Variants in TRAPPC9 observed in about 807,000 individuals in gnomAD.
TRAPPC9 encodes trafficking protein particle complex subunit 9, also known as IKK2 binding protein.
In TRAPPC9, 83 loss-of-function variants were observed where a neutral mutation model predicts 124.0. That is an observed-to-expected ratio of 0.67 (90% CI 0.56 to 0.80). The LOEUF (loss-of-function observed/expected upper bound fraction) is 0.80, where lower values mean the gene tolerates loss of function less well. TRAPPC9 is among the 30% of genes least tolerant of loss of function. The pLI is 0.00. For synonymous variants in TRAPPC9, 638 were observed against 617.5 expected, an observed-to-expected ratio of 1.03 and a Z score of -0.49; for missense variants, 1,302 against 1,508.3, an observed-to-expected ratio of 0.86 and a Z score of 2.27.
intron 17 of TRAPPC9, among the ~76,000 whole-genome samples, chr8:140,213,585 AT>A (rs11402721): frequency 1.4e-4 from 21 of 149,730 alleles, no homozygotes; most frequent in African/African-American, 2.5e-4. Context: ...TTTAATCTAC[AT>A]TTTTTTTTTC....
At chr8:139,916,578 T>G (rs545372212) in intron 19 of TRAPPC9, 2 of 152,398 alleles carry the variant, frequency 1.3e-5, no homozygotes, top group Non-Finnish European at 2.9e-5. Flanking sequence ...TTGCTTCTGT[T>G]CATCTCTGAC....
At chr8:140,431,463 T>C (rs1372329841) in intron 4 of TRAPPC9, among the ~76,000 whole-genome samples, 1 of 151,692 alleles carries the variant, frequency 6.6e-6, no homozygotes, top group Non-Finnish European at 1.5e-5. Context: ...AAAATAAAAA[T>C]AAAAACTACT....
intron 21 of TRAPPC9, among the ~76,000 whole-genome samples, chr8:139,810,756 G>C (rs188015593): frequency 1.3e-3 from 202 of 152,282 alleles, no homozygotes; most frequent in African/African-American, 4.8e-3. Flanking sequence ...GTGGCTCCCT[G>C]AATGCTGGCA....
At chr8:140,361,480 CAAGTTA>C (rs1246127562) in intron 8 of TRAPPC9, among the ~76,000 whole-genome samples, 2 of 152,198 alleles carry the variant, frequency 1.3e-5, no homozygotes, top group Non-Finnish European at 2.9e-5. Flanking sequence ...AGTCGGAGTA[CAAGTTA>C]AAGTTATAAG....
chr8:140,204,322 A>T (rs2062868422), intron 17 of TRAPPC9, among the ~76,000 whole-genome samples: 1 of 152,154 alleles, frequency 6.6e-6, no homozygotes, highest in Non-Finnish European at 1.5e-5. Flanking sequence ...TGTCCTTTGT[A>T]GGGACACGGA....
chr8:140,196,763 T>A (rs1045135388), intron 17 of TRAPPC9, among the ~76,000 whole-genome samples: 28 of 140,930 alleles, frequency 2.0e-4, no homozygotes, highest in African/African-American at 6.5e-4. Flanking sequence ...ACACACTCAA[T>A]GATCCGCTAT....
At chr8:139,970,775 G>T (rs565672578) in intron 19 of TRAPPC9, among the ~76,000 whole-genome samples, 2 of 152,250 alleles carry the variant, frequency 1.3e-5, no homozygotes, top group African/African-American at 2.4e-5. Flanking sequence ...AGAGTCACGT[G>T]CCAGGCCTGC....
rs1218694339 is a variant in TRAPPC9, at chr8:139,788,712, C to T, written c.3056-56510G>A. ...CAGAGTCGAGTTACCATCACGCCTG[C>T]CTTCGTGGGCGCAGGCTGAGCACAA... is the stretch of plus-strand genomic sequence containing the variant. On this transcript the variant is annotated intron_variant, in intron 21 of 22. Transcript: ENST00000438773. The surrounding 1 kb of genome is among the most constrained non-coding windows in gnomAD (Gnocchi z 4.9). Among the ~76,000 whole-genome samples the T allele has an allele frequency of 6.6e-6, 1 of 152,236 alleles. No homozygotes were observed. The highest frequency in any genetic ancestry group is 1.5e-5 in the Non-Finnish European group (1 of 68,042).
intron 9 of TRAPPC9, among the ~76,000 whole-genome samples, chr8:140,316,739 G>A (rs1006167423): frequency 6.6e-6 from 1 of 152,082 alleles, no homozygotes; most frequent in Non-Finnish European, 1.5e-5. Flanking sequence ...TCTTTCTCTG[G>A]TTTTAGTATA....
chr8:140,231,562 G>A (rs909272873), intron 16 of TRAPPC9, among the ~76,000 whole-genome samples: 2 of 132,562 alleles, frequency 1.5e-5, no homozygotes, highest in Non-Finnish European at 3.1e-5. Flanking sequence ...GTGCAATCTC[G>A]GCTCACTGCA....
chr8:140,348,036 A>C (rs980461610), intron 9 of TRAPPC9, among the ~76,000 whole-genome samples: 5 of 152,260 alleles, frequency 3.3e-5, no homozygotes, highest in African/African-American at 4.8e-5. Flanking sequence ...CAACTCCAGC[A>C]GCTCTAAGAA....
chr8:140,380,675 A>G (rs1372796388), intron 7 of TRAPPC9, among the ~76,000 whole-genome samples: 1 of 149,526 alleles, frequency 6.7e-6, no homozygotes, highest in Non-Finnish European at 1.5e-5. Flanking sequence ...AAAAAAAAAA[A>G]AAAAGAATAA....
chr8:140,335,246 G>A (rs2067003260), intron 9 of TRAPPC9, among the ~76,000 whole-genome samples: 1 of 152,158 alleles, frequency 6.6e-6, no homozygotes, highest in African/African-American at 2.4e-5. Flanking sequence ...AAGGAGCAAA[G>A]CCAGGGAACA....
chr8:140,185,527 A>C (rs945657823), intron 17 of TRAPPC9, among the ~76,000 whole-genome samples: 5 of 152,166 alleles, frequency 3.3e-5, no homozygotes, highest in Admixed American at 6.5e-5. Context: ...TACCTACCCC[A>C]GGGTGTGGTC....
Position 140,031,597 on chromosome 8 carries a change from G to C in TRAPPC9, c.2557-7518C>G, listed in dbSNP as rs562660434. Among the ~76,000 whole-genome samples, 85 of 152,170 alleles carry C rather than the reference G, an allele frequency of 5.6e-4. 1 individual carries two copies. The highest frequency in any genetic ancestry group is 1.1e-3 in the Non-Finnish European group (74 of 68,030). ...ATAAGTCAAACATTCAAGACCAAAG[G>C]CTGGGGCTCATTCCCCAAGAGACCA... On this transcript the variant is annotated intron_variant, in intron 17 of 22. Transcript: ENST00000438773.
At chr8:139,889,116 TAAAGA>T (rs1202953711) in intron 20 of TRAPPC9, among the ~76,000 whole-genome samples, 1 of 152,144 alleles carries the variant, frequency 6.6e-6, no homozygotes, top group Non-Finnish European at 1.5e-5. Flanking sequence ...ATTCGGCCCT[TAAAGA>T]AAAGGACATT....
chr8:140,285,376 C>T (rs994897042), intron 13 of TRAPPC9, among the ~76,000 whole-genome samples: 3 of 152,200 alleles, frequency 2.0e-5, no homozygotes, highest in Non-Finnish European at 4.4e-5. Context: ...CCTGGGTCAT[C>T]GCTGAAGCTT....
chr8:140,162,096 C>T (rs1015814792), intron 17 of TRAPPC9, among the ~76,000 whole-genome samples: 3 of 152,184 alleles, frequency 2.0e-5, no homozygotes, highest in Non-Finnish European at 2.9e-5. Flanking sequence ...CTTGAGTTTC[C>T]GGCTTACCAC....
intron 9 of TRAPPC9, among the ~76,000 whole-genome samples, chr8:140,317,085 A>C (rs1010012319): frequency 6.6e-6 from 1 of 151,984 alleles, no homozygotes; most frequent in Non-Finnish European, 1.5e-5. Context: ...TTGATCTCTG[A>C]TTTTATTGAT....
Sources: gnomAD v4.1 joint callset for allele counts (sites outside exome capture counted in the v4.1 genomes callset) on GRCh38, gnomAD v4.1.1 for gene constraint, Gnocchi (gnomAD v3.1) non-coding constraint, MANE v1.5 for transcripts, NCBI Gene and HGNC (gene_info 2026-07-23, HGNC 2026-07-21) for gene names.